The following ANXA8 variants were observed in gnomAD, a reference collection of about 807,000 sequenced individuals.
The protein encoded by ANXA8 is VAC-beta.
A neutral mutation model predicts 26.8 loss-of-function variants in ANXA8; 9 were observed. That is an observed-to-expected ratio of 0.34 (90% CI 0.20 to 0.59). The LOEUF (loss-of-function observed/expected upper bound fraction) is 0.59, where lower values mean the gene tolerates loss of function less well. Ranked by LOEUF, ANXA8 falls within the 20% of genes least tolerant of loss-of-function variation. The pLI is 0.84. For missense variants in ANXA8, 83 were observed against 238.5 expected (o/e 0.35, Z 4.29); for synonymous variants, 39 against 94.8 (o/e 0.41, Z 3.42).
the ANXA8 span, among the ~76,000 whole-genome samples, chr10:47,686,377 C>T: frequency 6.6e-6 from 1 of 151,524 alleles, no homozygotes; most frequent in Non-Finnish European, 1.5e-5. Context: ...TGCCACCATA[C>T]CTGGCTAATT....
At chr10:47,487,967 C>T (rs1840076353), upstream of ANXA8, among the ~76,000 whole-genome samples, 2 of 149,978 alleles carry the variant, frequency 1.3e-5, no homozygotes, top group South Asian at 2.1e-4. Flanking sequence ...TGCTGAAATC[C>T]TCAGTCTTAA....
At chr10:47,970,615 G>A in the ANXA8 span, 28 of 151,478 alleles carry the variant, frequency 1.8e-4, 1 homozygote, top group South Asian at 4.2e-4. Context: ...TTCACATATC[G>A]TAGGCATGTG....
the ANXA8 span, among the ~76,000 whole-genome samples, chr10:47,769,603 C>T: frequency 7.1e-3 from 1,073 of 150,908 alleles, no homozygotes; most frequent in African/African-American, 0.025. Flanking sequence ...CTCCTTTGTT[C>T]CCTCAAATAG....
the ANXA8 span, among the ~76,000 whole-genome samples, chr10:47,556,549 T>C: frequency 6.6e-6 from 1 of 152,012 alleles, no homozygotes; most frequent in East Asian, 1.9e-4. Context: ...TTTTAATGCA[T>C]AATCTTCCAT....
chr10:47,646,804 C>G, the ANXA8 span, among the ~76,000 whole-genome samples: 2 of 151,996 alleles, frequency 1.3e-5, no homozygotes, highest in Admixed American at 1.3e-4. Context: ...TTTTTCTCTG[C>G]TGTTAAAATT....
chr10:47,981,233 T>C, the ANXA8 span, among the ~76,000 whole-genome samples: 4,665 of 150,580 alleles, frequency 0.031, 4 homozygotes, highest in African/African-American at 0.11. Context: ...GAAAAAACAT[T>C]TGACAAAATC....
At chr10:47,696,751 T>C in the ANXA8 span, among the ~76,000 whole-genome samples, 4 of 145,224 alleles carry the variant, frequency 2.8e-5, no homozygotes, top group East Asian at 6.6e-4. Flanking sequence ...GTCAGTATAG[T>C]GGTGGTTCTT....
At chr10:47,888,645 T>C in the ANXA8 span, among the ~76,000 whole-genome samples, 1 of 4,280 alleles carries the variant, frequency 2.3e-4, no homozygotes, top group East Asian at 1.2e-3. Context: ...TTGTTTTGTT[T>C]GTTTGTTTTT....
chr10:47,958,204 C>T, the ANXA8 span, among the ~76,000 whole-genome samples: 4 of 150,084 alleles, frequency 2.7e-5, no homozygotes, highest in Non-Finnish European at 4.4e-5. Context: ...TCCAGCTCGG[C>T]GTGGTGGTTC....
At chr10:47,560,252 A>C in the ANXA8 span, among the ~76,000 whole-genome samples, 1 of 151,874 alleles carries the variant, frequency 6.6e-6, no homozygotes, top group Non-Finnish European at 1.5e-5. Flanking sequence ...CTCCCTGCTA[A>C]ATGCAAGTTA....
the ANXA8 span, among the ~76,000 whole-genome samples, chr10:47,622,212 C>A: frequency 8.9e-6 from 1 of 112,400 alleles, no homozygotes; most frequent in South Asian, 2.9e-4. Flanking sequence ...ATGCAAGAGA[C>A]CCCATAGTAC....
At chr10:47,549,137 T>C in the ANXA8 span, among the ~76,000 whole-genome samples, 1 of 151,742 alleles carries the variant, frequency 6.6e-6, no homozygotes, top group African/African-American at 2.4e-5. Flanking sequence ...ACAACATTTA[T>C]TACTAATATT....
chr10:47,957,203 C>G, the ANXA8 span, among the ~76,000 whole-genome samples: 1 of 150,232 alleles, frequency 6.7e-6, no homozygotes, highest in South Asian at 2.1e-4. Flanking sequence ...ACTTCCTTTT[C>G]TGTCTCAGAG....
chr10:47,984,276 TA>T, the ANXA8 span, among the ~76,000 whole-genome samples: 1 of 147,466 alleles, frequency 6.8e-6, no homozygotes, highest in Non-Finnish European at 1.5e-5. Flanking sequence ...TACTCTTTTG[TA>T]CTACTTGATT....
the ANXA8 span, among the ~76,000 whole-genome samples, chr10:47,625,004 T>C: frequency 5.6e-5 from 2 of 35,914 alleles, 1 homozygote; most frequent in Non-Finnish European, 9.7e-5. Context: ...AACTGCTGAT[T>C]TACTATTTCT....
At chr10:47,673,809 T>C in the ANXA8 span, among the ~76,000 whole-genome samples, 1 of 151,098 alleles carries the variant, frequency 6.6e-6, no homozygotes, top group Non-Finnish European at 1.5e-5. Context: ...GTTTTTCCTA[T>C]TTTTAACACC....
the ANXA8 span, among the ~76,000 whole-genome samples, chr10:47,577,152 G>C: frequency 1.3e-5 from 2 of 149,566 alleles, no homozygotes; most frequent in Non-Finnish European, 3.0e-5. Flanking sequence ...TTGAGCCTGG[G>C]AGGTGGAAGT....
At chr10:47,668,028 G>A in the ANXA8 span, among the ~76,000 whole-genome samples, 31 of 151,950 alleles carry the variant, frequency 2.0e-4, no homozygotes, top group Admixed American at 1.7e-3. Context: ...GTGAGCCACC[G>A]TGCCTGGCTT....
At chr10:47,513,127 G>A in the ANXA8 span, among the ~76,000 whole-genome samples, 700 of 148,306 alleles carry the variant, frequency 4.7e-3, no homozygotes, top group African/African-American at 0.016. Context: ...CTCTGCCTCC[G>A]AGGTTCAAGC....
Sources: allele counts gnomAD v4.1 joint callset (sites outside exome capture counted in the v4.1 genomes callset), GRCh38; gene constraint gnomAD v4.1.1; transcripts MANE v1.5; gene names NCBI Gene and HGNC (gene_info 2026-07-23, HGNC 2026-07-21).